The following ALOX5 variants were observed in gnomAD, a reference collection of about 807,000 sequenced individuals.
ALOX5 encodes polyunsaturated fatty acid 5-lipoxygenase.
In ALOX5, 64 loss-of-function variants were observed where a neutral mutation model predicts 87.9. The observed-to-expected ratio is 0.73, with a 90% CI of 0.60 to 0.90. ALOX5 has a LOEUF of 0.90. ALOX5 is among the 40% of genes least tolerant of loss of function. The probability of loss-of-function intolerance (pLI) is 0.00; values close to 1 mark genes in which losing one functional copy is unlikely to be tolerated. For synonymous variants in ALOX5, 388 were observed against 355.1 expected (o/e 1.09, Z -1.04); for missense variants, 822 against 907.5 (o/e 0.91, Z 1.21).
At chr10:45,394,165 G>C (rs913394069) in intron 2 of ALOX5, among the ~76,000 whole-genome samples, 31 of 152,262 alleles carry the variant, frequency 2.0e-4, no homozygotes, top group African/African-American at 7.5e-4. Flanking sequence ...TAAGCCAAAA[G>C]AACAAAGCTG....
intron 7 of ALOX5, among the ~76,000 whole-genome samples, chr10:45,432,697 G>T (rs1047402060): frequency 6.6e-6 from 1 of 152,236 alleles, no homozygotes; most frequent in Admixed American, 6.5e-5. Flanking sequence ...TTCAGATGAA[G>T]TAAAAATTAA....
At position 45,443,046 on chromosome 10, in the gene ALOX5, C is replaced by T; in HGVS notation, c.1281C>T (p.Ala427=). The change falls in exon 10 of 14, where the codon GCC becomes GCT. Residue 427 remains alanine, a synonymous_variant. Transcript: ENST00000374391. The stretch of plus-strand genomic sequence containing the variant: ...TCTACCTCCCACTCCAGGCCAACGC[C>T]ACAGGGGGCGGTGGGCACGTGCAGA... The part of the protein sequence containing the change: ...CECGLFDKAN[A]TGGGGHVQMV... 1 of 1,612,428 alleles carries T rather than the reference C, an allele frequency of 6.2e-7. No homozygotes were observed. Among genetic ancestry groups the T allele is most frequent in the Non-Finnish European group, 8.5e-7 (1 of 1,179,332 alleles).
rs28395864 is a variant in ALOX5, at chr10:45,443,670, C to T, written c.1574-58C>T. The stretch of plus-strand genomic sequence containing the variant: ...GCAGGGAATCCGGGCACGGGGTGGG[C>T]GCCGGGCCCTGGGGTCCTCAGGGAC... On this transcript the variant is annotated intron_variant, in intron 11 of 13. Transcript: ENST00000374391. 5.5e-4 allele frequency: 882 copies of T among 1,589,790 alleles called. 5 individuals are homozygous for T. The African/African-American group carries it at 0.01, about 18-fold the overall frequency.
chr10:45,419,192 C>T (rs1029925747), intron 4 of ALOX5, among the ~76,000 whole-genome samples: 2 of 152,258 alleles, frequency 1.3e-5, no homozygotes, highest in Non-Finnish European at 2.9e-5. Context: ...GGAGGCTGCC[C>T]TGGCCGCCTT....
At chr10:45,441,457 G>T (rs1010610369) in intron 9 of ALOX5, 27 bp downstream of exon 9, 2 of 1,603,674 alleles carry the variant, frequency 1.2e-6, no homozygotes, top group South Asian at 1.1e-5. Context: ...CCTACTTGTT[G>T]CCTGGAAGAG....
chr10:45,383,783 T>A (rs1400122233), intron 2 of ALOX5, among the ~76,000 whole-genome samples: 1 of 152,198 alleles, frequency 6.6e-6, no homozygotes, highest in Non-Finnish European at 1.5e-5. Flanking sequence ...TTTCTGAACA[T>A]GGAGTTAAGA....
At chr10:45,436,182 T>A (rs1842056972) in intron 7 of ALOX5, among the ~76,000 whole-genome samples, 1 of 152,226 alleles carries the variant, frequency 6.6e-6, no homozygotes, top group Non-Finnish European at 1.5e-5. Flanking sequence ...GTTGCAAATA[T>A]TTTCTCTCAT....
chr10:45,412,093 C>A, intron 3 of ALOX5, 98 bp from the exon 4 acceptor site: 1 of 1,532,158 alleles, frequency 6.5e-7, no homozygotes, highest in South Asian at 1.2e-5. Flanking sequence ...CATCAATCTC[C>A]CTGTGTAACA....
intron 2 of ALOX5, among the ~76,000 whole-genome samples, chr10:45,391,574 C>T (rs910694055): frequency 6.6e-6 from 1 of 151,154 alleles, no homozygotes; most frequent in African/African-American, 2.4e-5. Flanking sequence ...ATGTAAGGAG[C>T]CCCTCTGCCT....
intron 2 of ALOX5, among the ~76,000 whole-genome samples, chr10:45,391,184 A>G (rs1183086684): frequency 2.0e-5 from 3 of 149,298 alleles, no homozygotes; most frequent in Non-Finnish European, 4.4e-5. Flanking sequence ...GCTCACTGCA[A>G]CCTCCCTGCC....
intron 3 of ALOX5, among the ~76,000 whole-genome samples, chr10:45,399,509 A>C (rs1467786458): frequency 6.6e-6 from 1 of 152,262 alleles, no homozygotes; most frequent in Non-Finnish European, 1.5e-5. Context: ...TGGATGATAG[A>C]TCTAAAAGTA....
chr10:45,392,056 G>A (rs980200949), intron 2 of ALOX5, among the ~76,000 whole-genome samples: 54 of 151,410 alleles, frequency 3.6e-4, no homozygotes, highest in African/African-American at 1.2e-3. Flanking sequence ...CCCCCCGCCC[G>A]GCCAGCCGCC....
At chr10:45,427,851 G>A (rs1841777320) in intron 6 of ALOX5, among the ~76,000 whole-genome samples, 1 of 152,152 alleles carries the variant, frequency 6.6e-6, no homozygotes, top group Non-Finnish European at 1.5e-5. Flanking sequence ...GTCGAGGTGT[G>A]TTGACTCCTA....
At chr10:45,438,548 ACATGTCAGAG>A (rs1842127432) in intron 7 of ALOX5, among the ~76,000 whole-genome samples, 1 of 134,966 alleles carries the variant, frequency 7.4e-6, no homozygotes, top group African/African-American at 3.0e-5. Flanking sequence ...GCCATCAGGA[ACATGTCAGAG>A]CATGTGGGGA....
At chr10:45,383,168 G>A (rs1213151660) in intron 2 of ALOX5, among the ~76,000 whole-genome samples, 1 of 152,260 alleles carries the variant, frequency 6.6e-6, no homozygotes, top group Non-Finnish European at 1.5e-5. Context: ...CAGCTCTGAG[G>A]AGCCATGGAC....
intron 2 of ALOX5, among the ~76,000 whole-genome samples, 180 bp from the exon 3 acceptor site, chr10:45,395,675 C>G (rs1482314215): frequency 6.6e-6 from 1 of 151,928 alleles, no homozygotes; most frequent in Admixed American, 6.6e-5. Context: ...CAAAGCTACA[C>G]AACTTCCCTA....
chr10:45,432,201 A>G (rs1841926778), intron 7 of ALOX5, among the ~76,000 whole-genome samples: 1 of 151,484 alleles, frequency 6.6e-6, no homozygotes, highest in African/African-American at 2.4e-5. Flanking sequence ...AAAAAAAAAA[A>G]TTAATAGAAA....
At chr10:45,401,822 T>C (rs929814012) in intron 3 of ALOX5, among the ~76,000 whole-genome samples, 2 of 152,202 alleles carry the variant, frequency 1.3e-5, no homozygotes, top group Non-Finnish European at 2.9e-5. Flanking sequence ...GACAAATTTC[T>C]CCTCAAAAAT....
At chr10:45,413,882 G>C (rs1217458381) in intron 4 of ALOX5, among the ~76,000 whole-genome samples, 4 of 152,088 alleles carry the variant, frequency 2.6e-5, no homozygotes, top group African/African-American at 9.7e-5. Context: ...CAACTTACAA[G>C]GGATGTGAAG....
Sources: gnomAD v4.1 joint callset for allele counts (sites outside exome capture counted in the v4.1 genomes callset) on GRCh38, gnomAD v4.1.1 for gene constraint, MANE v1.5 for transcripts, NCBI Gene and HGNC (gene_info 2026-07-23, HGNC 2026-07-21) for gene names.